The following CDH18 variants were observed in gnomAD, a reference collection of about 807,000 sequenced individuals.
CDH18 encodes cadherin 18, also known as cadherin-18.
A neutral mutation model predicts 67.9 loss-of-function variants in CDH18; 31 were observed. That is an observed-to-expected ratio of 0.46 (90% CI 0.34 to 0.62). The LOEUF is 0.62. Among genes scored for constraint, CDH18 ranks in the 20% least tolerant of loss-of-function variants. The pLI is 0.01. For missense variants in CDH18, 890 were observed against 975.5 expected (o/e 0.91, Z 1.17); for synonymous variants, 362 against 347.2 (o/e 1.04, Z -0.48).
In CDH18 at chr5:20,110,630, G is replaced by A. The variant is rs951732028; in HGVS notation, c.-517-118616C>T. On this transcript the variant is annotated intron_variant, in intron 2 of 14. Coordinates refer to the CDH18 transcript ENST00000507958. ...ACCTGGGAGGCAGAGGTTTCAGTTA[G>A]CTGAGATCGCACCACTGCACTCTGT... Among the ~76,000 whole-genome samples the A allele has an allele frequency of 2.6e-5, 4 of 152,252 alleles. No homozygotes were observed. The South Asian group carries it at 8.3e-4, about 32-fold the overall frequency.
intron 8 of CDH18, among the ~76,000 whole-genome samples, chr5:19,546,959 C>T (rs1449083588): frequency 6.6e-6 from 1 of 151,896 alleles, no homozygotes; most frequent in Non-Finnish European, 1.5e-5. Flanking sequence ...GAAATTTAAA[C>T]AAGAAAAGGT....
At chr5:20,437,759 T>C (rs920275251) in intron 1 of CDH18, among the ~76,000 whole-genome samples, 1 of 151,390 alleles carries the variant, frequency 6.6e-6, no homozygotes, top group Non-Finnish European at 1.5e-5. Flanking sequence ...GTTTTATTCA[T>C]GCTCCATGAA....
chr5:19,992,249 G>C (rs1800027706), upstream of CDH18, among the ~76,000 whole-genome samples: 1 of 151,896 alleles, frequency 6.6e-6, no homozygotes, highest in South Asian at 2.1e-4. Context: ...CTCTCATGTG[G>C]TAGTATGAAT....
At chr5:19,845,436 T>G (rs368890245) in intron 2 of CDH18, among the ~76,000 whole-genome samples, 2 of 152,288 alleles carry the variant, frequency 1.3e-5, no homozygotes, top group African/African-American at 4.8e-5. Flanking sequence ...CAACACGTGA[T>G]CTATCCTGGA....
intron 1 of CDH18, among the ~76,000 whole-genome samples, chr5:20,408,704 T>A (rs1244344679): frequency 6.6e-6 from 1 of 151,784 alleles, no homozygotes; most frequent in Admixed American, 6.6e-5. Context: ...GAACAGAAAT[T>A]AATTCATGAG....
intron 2 of CDH18, among the ~76,000 whole-genome samples, chr5:20,027,510 G>A (rs970932237): frequency 1.3e-5 from 2 of 152,130 alleles, no homozygotes; most frequent in Admixed American, 1.3e-4. Context: ...TCCATTTCTG[G>A]ATGCTCTACC....
intron 2 of CDH18, among the ~76,000 whole-genome samples, chr5:20,193,667 T>G (rs184868158): frequency 6.6e-6 from 1 of 152,034 alleles, no homozygotes; most frequent in Non-Finnish European, 1.5e-5. Flanking sequence ...TTAATGCCAA[T>G]ATCCCTGGAT....
intron 2 of CDH18, among the ~76,000 whole-genome samples, chr5:19,972,431 T>C (rs934769828): frequency 6.6e-6 from 1 of 152,082 alleles, no homozygotes; most frequent in African/African-American, 2.4e-5. Context: ...AAAGTTGTTT[T>C]CAAACAGTTA....
At chr5:20,482,058 GA>G (rs915930470) in intron 1 of CDH18, among the ~76,000 whole-genome samples, 1 of 151,502 alleles carries the variant, frequency 6.6e-6, no homozygotes, top group Admixed American at 6.6e-5. Flanking sequence ...ACCAGAGTAA[GA>G]AAAAAGAGAG....
At chr5:19,904,963 C>T (rs1386641386) in intron 2 of CDH18, among the ~76,000 whole-genome samples, 1 of 152,054 alleles carries the variant, frequency 6.6e-6, no homozygotes, top group Non-Finnish European at 1.5e-5. Context: ...TGAGAGATAA[C>T]CATGGGATTT....
At chr5:19,635,593 T>C (rs777499073) in intron 5 of CDH18, among the ~76,000 whole-genome samples, 7 of 152,242 alleles carry the variant, frequency 4.6e-5, no homozygotes, top group Non-Finnish European at 7.4e-5. Flanking sequence ...AATAAGTGAT[T>C]GAGGTAAGTG....
intron 2 of CDH18, among the ~76,000 whole-genome samples, chr5:20,084,907 C>T (rs968308978): frequency 6.6e-6 from 1 of 152,130 alleles, no homozygotes; most frequent in East Asian, 1.9e-4. Context: ...GGCCTCCAGG[C>T]TTGTGATGGG....
intron 1 of CDH18, among the ~76,000 whole-genome samples, chr5:20,299,589 T>C (rs1354895677): frequency 6.6e-6 from 1 of 151,716 alleles, no homozygotes; most frequent in Non-Finnish European, 1.5e-5. Flanking sequence ...TGAAACCCCG[T>C]CTCTACTAAA....
At chr5:20,251,995 A>G (rs2940461) in intron 2 of CDH18, among the ~76,000 whole-genome samples, 139,492 of 152,208 alleles carry the variant, frequency 0.92, 64,251 homozygotes, top group South Asian at 0.99. Flanking sequence ...AGTTCAAACA[A>G]TATATTTGAT....
At chr5:20,114,251 G>A (rs1747711382) in intron 2 of CDH18, among the ~76,000 whole-genome samples, 2 of 152,194 alleles carry the variant, frequency 1.3e-5, no homozygotes, top group African/African-American at 4.8e-5. Flanking sequence ...ATATCTTGCT[G>A]ATATGCAGTG....
At chr5:19,489,979 G>C (rs1402161380) in intron 11 of CDH18, among the ~76,000 whole-genome samples, 2 of 151,798 alleles carry the variant, frequency 1.3e-5, no homozygotes, top group East Asian at 1.9e-4. Flanking sequence ...GATAAGAACA[G>C]CTGTTTTTTT....
At chr5:20,513,973 A>G (rs1755206739) in intron 1 of CDH18, among the ~76,000 whole-genome samples, 4 of 152,170 alleles carry the variant, frequency 2.6e-5, no homozygotes, top group Admixed American at 2.6e-4. Flanking sequence ...AATGTTGCTG[A>G]TAATAAAATG....
chr5:20,091,060 A>G (rs1471386965), intron 2 of CDH18, among the ~76,000 whole-genome samples: 2 of 144,460 alleles, frequency 1.4e-5, no homozygotes, highest in East Asian at 4.0e-4. Context: ...CAAAATAAAG[A>G]AAAAAAAAAA....
chr5:19,504,836 A>G (rs1481591515), intron 10 of CDH18, among the ~76,000 whole-genome samples: 1 of 152,112 alleles, frequency 6.6e-6, no homozygotes, highest in Non-Finnish European at 1.5e-5. Context: ...TTTATCCAAG[A>G]ATCGAATTTC....
Sources: gnomAD v4.1 joint callset for allele counts (sites outside exome capture counted in the v4.1 genomes callset) on GRCh38, gnomAD v4.1.1 for gene constraint, MANE v1.5 for transcripts, NCBI Gene and HGNC (gene_info 2026-07-23, HGNC 2026-07-21) for gene names.